TSPAN3: variants seen among roughly 807,000 people sequenced by gnomAD.
TSPAN3 encodes tetraspanin-3.
TSPAN3 carries 9 observed loss-of-function variants against 31.1 expected under a neutral mutation model. The observed-to-expected ratio is 0.29, with a 90% CI of 0.17 to 0.50. TSPAN3 has a LOEUF of 0.50. Among genes scored for constraint, TSPAN3 ranks in the 20% least tolerant of loss-of-function variants. The pLI is 0.98. For synonymous variants in TSPAN3, 129 were observed against 114.3 expected (o/e 1.13, Z -0.82); for missense variants, 252 against 313.5 (o/e 0.80, Z 1.48).
At chr15:77,050,281 C>T (rs549641349) in intron 6 of TSPAN3, among the ~76,000 whole-genome samples, 1 of 152,058 alleles carries the variant, frequency 6.6e-6, no homozygotes, top group African/African-American at 2.4e-5. Flanking sequence ...CCTTAAAACC[C>T]AAGTTTTTAA....
At chr15:77,059,283 C>T (rs1238088968) in intron 1 of TSPAN3, among the ~76,000 whole-genome samples, 2 of 152,084 alleles carry the variant, frequency 1.3e-5, no homozygotes, top group African/African-American at 4.8e-5. Flanking sequence ...GGGGTTTCAC[C>T]GTGTTAGCCA....
chr15:77,065,941 C>T (rs1326972155), intron 1 of TSPAN3, among the ~76,000 whole-genome samples: 5 of 152,040 alleles, frequency 3.3e-5, no homozygotes, highest in Non-Finnish European at 5.9e-5. Flanking sequence ...AAAACAACAA[C>T]CTAAATAGAT....
At chr15:77,053,380 G>A (rs1413059776) in intron 4 of TSPAN3, among the ~76,000 whole-genome samples, 2 of 144,492 alleles carry the variant, frequency 1.4e-5, no homozygotes, top group African/African-American at 2.6e-5. Flanking sequence ...CCCGGGAGGT[G>A]GAGGTTGCAG....
In TSPAN3 at chr15:77,046,637, A is replaced by G. The variant is rs570878485; in HGVS notation, c.*198T>C. The stretch of plus-strand genomic sequence containing the variant: ...CGTACTTAAAATCTTAGGGGCATGA[A>G]GAGTCAGCTAGAACAAGGAAAAAGA... On this transcript the variant is annotated 3_prime_UTR_variant, in exon 7 of 7. Transcript: ENST00000267970. 1.8e-6 allele frequency: 1 copy of G among 562,638 alleles called. No individual in the cohort carries two copies. Among genetic ancestry groups the G allele is most frequent in the Admixed American group, 3.4e-5 (1 of 29,796 alleles). The allele number at this position is 562,638 out of a possible 1,614,324, so 34.9% of individuals were successfully genotyped here.
chr15:77,051,539 AAAAG>A (rs2076730969), intron 6 of TSPAN3, among the ~76,000 whole-genome samples: 2 of 149,948 alleles, frequency 1.3e-5, no homozygotes, highest in Admixed American at 6.6e-5. Flanking sequence ...AAAAAAAAAA[AAAAG>A]AAAAGAAAAG....
At chr15:77,051,152 G>C (rs938151049) in intron 6 of TSPAN3, among the ~76,000 whole-genome samples, 1 of 151,890 alleles carries the variant, frequency 6.6e-6, no homozygotes, top group African/African-American at 2.4e-5. Context: ...CTACTCCTCG[G>C]TCTCCCAAAG....
At chr15:77,060,914 TA>T (rs2076796666) in intron 1 of TSPAN3, among the ~76,000 whole-genome samples, 1 of 152,184 alleles carries the variant, frequency 6.6e-6, no homozygotes, top group Admixed American at 6.5e-5. Flanking sequence ...GAATAATTTT[TA>T]AAAAACCATT....
At chr15:77,058,840 T>C (rs2076783691) in intron 1 of TSPAN3, among the ~76,000 whole-genome samples, 3 of 152,256 alleles carry the variant, frequency 2.0e-5, no homozygotes, top group Admixed American at 6.5e-5. Flanking sequence ...TAGTTCACTA[T>C]TCAATTATTT....
In TSPAN3 at chr15:77,053,473, A is replaced by C. The variant is rs1287207660; in HGVS notation, c.433-544T>G. On this transcript the variant is annotated intron_variant, in intron 4 of 6. Transcript: ENST00000267970. Reference sequence around the variant, plus strand: ...TCTCAAAAAAAAAAAAAAAAAAAAAAAAAAAAAAAAAAAAAAAAAAAGAAA... The same window carrying C: ...TCTCAAAAAAAAAAAAAAAAAAAAACAAAAAAAAAAAAAAAAAAAAAGAAA... Among the ~76,000 whole-genome samples the C allele has an allele frequency of 9.2e-5, 8 of 87,176 alleles. No homozygotes were observed. The East Asian group carries it at 2.4e-3, about 26-fold the overall frequency. 57.2% of individuals were successfully genotyped at this position (87,176 alleles called of 152,430 possible). A position where few individuals can be genotyped will look rare whatever the true frequency, so the allele number is the denominator to read the frequency against.
chr15:77,059,347 G>A (rs1395717612), intron 1 of TSPAN3, among the ~76,000 whole-genome samples: 2 of 152,218 alleles, frequency 1.3e-5, no homozygotes, highest in East Asian at 3.8e-4. Context: ...CTCCCAAAGT[G>A]CTGGGATTAC....
chr15:77,059,213 G>C (rs1383309540), intron 1 of TSPAN3, among the ~76,000 whole-genome samples: 1 of 151,902 alleles, frequency 6.6e-6, no homozygotes, highest in Non-Finnish European at 1.5e-5. Flanking sequence ...CTCCCGAGTA[G>C]CTGGGATTAC....
Position 77,054,202 on chromosome 15 carries a change from C to T in TSPAN3, c.408G>A (p.Arg136=), listed in dbSNP as rs140675272. ...CCTGTCTCTGTACATAATCAATAGC[C>T]CGGCTAGCAGCATCAGGGTTGGTTC... ...YNGTNPDAAS[R]AIDYVQRQLH... The change falls in exon 4 of 7, where the codon CGG becomes CGA. Residue 136 remains arginine (R), a synonymous_variant. Transcript: ENST00000267970. 3 of 1,613,760 alleles carry T rather than the reference C, an allele frequency of 1.9e-6. No homozygotes were observed. The African/African-American group carries it at 4.0e-5, about 22-fold the overall frequency.
intron 6 of TSPAN3, among the ~76,000 whole-genome samples, chr15:77,050,443 TAA>T (rs1269720681): frequency 1.3e-5 from 2 of 152,126 alleles, no homozygotes; most frequent in Non-Finnish European, 2.9e-5. Context: ...ATATTTAAAT[TAA>T]GAGACTAGTT....
intron 1 of TSPAN3, among the ~76,000 whole-genome samples, chr15:77,058,610 G>A (rs1329965955): frequency 6.6e-6 from 1 of 152,194 alleles, no homozygotes; most frequent in African/African-American, 2.4e-5. Context: ...CACCTTGAGA[G>A]CACGAATTGT....
At chr15:77,052,327 G>T (rs2152695591) in intron 6 of TSPAN3, 58 bp downstream of exon 6, 1 of 1,471,208 alleles carries the variant, frequency 6.8e-7, no homozygotes, top group Non-Finnish European at 9.5e-7. Flanking sequence ...AAACCATTCA[G>T]GGCTGACAAC....
At chr15:77,061,148 T>C (rs187240681) in intron 1 of TSPAN3, among the ~76,000 whole-genome samples, 11 of 152,358 alleles carry the variant, frequency 7.2e-5, no homozygotes, top group Admixed American at 5.2e-4. Flanking sequence ...TTCATTCTTA[T>C]ATGAGATTGC....
intron 6 of TSPAN3, among the ~76,000 whole-genome samples, chr15:77,049,511 G>A (rs1464139286): frequency 1.7e-4 from 26 of 152,234 alleles, no homozygotes; most frequent in Non-Finnish European, 1.8e-4. Context: ...ATTATGACCA[G>A]ATTCTTTAAA....
In TSPAN3 at chr15:77,043,560, A is replaced by G. The variant is rs11636613; in HGVS notation, c.*3275T>C. 89,327 of 152,064 alleles carry G rather than the reference A, an allele frequency of 0.59. 27,169 individuals are homozygous for G. Among genetic ancestry groups the G allele is most frequent in the Middle Eastern group, 0.74 (218 of 294 alleles). The allele number at this position is 152,064 out of a possible 1,614,324, so 9.4% of individuals were successfully genotyped here. A position where few individuals can be genotyped will look rare whatever the true frequency, so the allele number is the denominator to read the frequency against. Reference sequence around the variant, plus strand: ...AATCACGAGGAAATCGCAGACAAACACAGATAAGCAGCACCACCTAAAACG... The same window carrying G: ...AATCACGAGGAAATCGCAGACAAACGCAGATAAGCAGCACCACCTAAAACG... On this transcript the variant is annotated 3_prime_UTR_variant, in exon 7 of 7. Coordinates refer to ENST00000267970, the MANE Select transcript of TSPAN3 (RefSeq NM_005724.6).
At position 77,059,272 on chromosome 15, in the gene TSPAN3, C is replaced by T. The variant is rs193056988; in HGVS notation, c.64-3017G>A. Among the ~76,000 whole-genome samples the T allele has an allele frequency of 2.1e-3, 317 of 152,104 alleles. 1 individual carries two copies. Among genetic ancestry groups the T allele is most frequent in the African/African-American group, 7.4e-3 (306 of 41,484 alleles). On this transcript the variant is annotated intron_variant, in intron 1 of 6. Transcript: ENST00000267970. Reference sequence around the variant, plus strand: ...TAATTTTTTGTATTTTTAGTGGAGACGGGGTTTCACCGTGTTAGCCAGGAT... The same window carrying T: ...TAATTTTTTGTATTTTTAGTGGAGATGGGGTTTCACCGTGTTAGCCAGGAT...
Sources: gnomAD v4.1 joint callset for allele counts (sites outside exome capture counted in the v4.1 genomes callset) on GRCh38, gnomAD v4.1.1 for gene constraint, MANE v1.5 for transcripts, NCBI Gene and HGNC (gene_info 2026-07-23, HGNC 2026-07-21) for gene names.